Variants in PRKAG2 observed in about 807,000 individuals in gnomAD.
PRKAG2 encodes protein kinase AMP-activated non-catalytic subunit gamma 2, also known as 5'-AMP-activated protein kinase subunit gamma-2.
In PRKAG2, 26 loss-of-function variants were observed where a neutral mutation model predicts 69.6. The observed-to-expected ratio is 0.37, with a 90% CI of 0.27 to 0.52. The LOEUF is 0.52. Ranked by LOEUF, PRKAG2 falls within the 20% of genes least tolerant of loss-of-function variation. PRKAG2 has a pLI of 0.90. For synonymous variants in PRKAG2, 293 were observed against 285.0 expected, an observed-to-expected ratio of 1.03 and a Z score of -0.28; for missense variants, 557 against 740.0, an observed-to-expected ratio of 0.75 and a Z score of 2.87.
chr7:151,800,208 A>G (rs995011962), intron 1 of PRKAG2, among the ~76,000 whole-genome samples: 3 of 151,988 alleles, frequency 2.0e-5, no homozygotes, highest in African/African-American at 4.8e-5. Flanking sequence ...AATACAAAAA[A>G]TTAGCCAGGT....
At chr7:151,648,074 C>A (rs918968503) in intron 4 of PRKAG2, among the ~76,000 whole-genome samples, 5 of 151,710 alleles carry the variant, frequency 3.3e-5, no homozygotes, top group Non-Finnish European at 4.4e-5. Flanking sequence ...AAAAAAGTAC[C>A]TTTGGTGTGT....
chr7:151,568,553 T>A, intron 11 of PRKAG2, 163 bp downstream of exon 11: 2 of 688,736 alleles, frequency 2.9e-6, no homozygotes, highest in Non-Finnish European at 4.8e-6. Flanking sequence ...ACTTTAAGAA[T>A]GTACAATTCA....
In PRKAG2 at chr7:151,861,676, G is replaced by A. The variant is rs567682808; in HGVS notation, c.114+14831C>T. Among the ~76,000 whole-genome samples the A allele has an allele frequency of 4.6e-5, 7 of 152,230 alleles. No homozygotes were observed. The East Asian group carries it at 1.4e-3, about 29-fold the overall frequency. On this transcript the variant is annotated intron_variant, in intron 1 of 15. Transcript: ENST00000287878. ...TCCCATGGGCGGCTTGTTAGGGAGA[G>A]GGAGGCAACCCTTCTAGACACAGAC...
In PRKAG2 at chr7:151,668,162, G is replaced by A. The variant is rs1831316458; in HGVS notation, c.684+7258C>T. ...CACAGGAATGGATTAGTTCCCTTGA[G>A]AGCAGGTTGTTAAAAAGTGCCTGTC... is the stretch of plus-strand genomic sequence containing the variant. On this transcript the variant is annotated intron_variant, in intron 4 of 15. Coordinates refer to ENST00000287878, the MANE Select transcript of PRKAG2 (RefSeq NM_016203.4). 2.6e-5 allele frequency among the ~76,000 whole-genome samples: 4 copies of A among 152,198 alleles called. No individual in the cohort carries two copies. In the South Asian group the frequency reaches 8.3e-4, roughly 31 times the overall value.
intron 3 of PRKAG2, among the ~76,000 whole-genome samples, chr7:151,690,421 C>T (rs1053671965): frequency 6.6e-6 from 1 of 152,126 alleles, no homozygotes; most frequent in African/African-American, 2.4e-5. Flanking sequence ...GCCCTGCCTC[C>T]CCTTTCTACA....
At chr7:151,686,563 T>C (rs959601548) in intron 3 of PRKAG2, among the ~76,000 whole-genome samples, 17 of 152,204 alleles carry the variant, frequency 1.1e-4, no homozygotes, top group Non-Finnish European at 2.5e-4. Context: ...CCAGCTCTCC[T>C]GAGCTCTGCT....
chr7:151,820,375 G>A (rs536043044), intron 1 of PRKAG2, among the ~76,000 whole-genome samples: 4 of 152,166 alleles, frequency 2.6e-5, no homozygotes, highest in South Asian at 2.1e-4. Flanking sequence ...TTTGACTTCC[G>A]TCATTTTGAT....
intron 3 of PRKAG2, among the ~76,000 whole-genome samples, chr7:151,715,711 G>C (rs1796074010): frequency 6.6e-6 from 1 of 152,126 alleles, no homozygotes. Context: ...AGGGAGGATG[G>C]AGTGGAAGAA....
At chr7:151,765,760 C>G (rs2075702977) in intron 3 of PRKAG2, among the ~76,000 whole-genome samples, 1 of 152,206 alleles carries the variant, frequency 6.6e-6, no homozygotes, top group South Asian at 2.1e-4. Flanking sequence ...CAACCCTTAA[C>G]AGTTACTATA....
At chr7:151,664,736 A>G (rs1353215003) in intron 4 of PRKAG2, among the ~76,000 whole-genome samples, 2 of 152,220 alleles carry the variant, frequency 1.3e-5, no homozygotes, top group South Asian at 2.1e-4. Context: ...CTGCCTCCCA[A>G]TAGAGGTGCT....
chr7:151,689,759 C>T (rs989161593), intron 3 of PRKAG2, among the ~76,000 whole-genome samples: 6 of 152,162 alleles, frequency 3.9e-5, no homozygotes, highest in Admixed American at 6.5e-5. Context: ...CATCATCTGA[C>T]GCCACCCCGG....
intron 1 of PRKAG2, among the ~76,000 whole-genome samples, chr7:151,805,953 T>C (rs973505523): frequency 7.2e-5 from 11 of 152,164 alleles, no homozygotes; most frequent in Non-Finnish European, 1.3e-4. Flanking sequence ...AGTCCAAGCA[T>C]TTTGGGAGGC....
chr7:151,690,142 T>C (rs1390949956), intron 3 of PRKAG2, among the ~76,000 whole-genome samples: 1 of 152,130 alleles, frequency 6.6e-6, no homozygotes. Flanking sequence ...TTCAGGGCCA[T>C]GATAAAAAAT....
chr7:151,575,064 A>C (rs542564015), intron 7 of PRKAG2, 115 bp from the exon 8 acceptor site: 28 of 1,402,636 alleles, frequency 2.0e-5, no homozygotes, highest in East Asian at 2.4e-5. Flanking sequence ...TACTTCGAAG[A>C]TATCAAGCAG....
intron 4 of PRKAG2, among the ~76,000 whole-genome samples, chr7:151,635,895 T>C (rs1825652978): frequency 7.0e-6 from 1 of 143,478 alleles, no homozygotes; most frequent in South Asian, 2.2e-4. Flanking sequence ...TGAGACGGAG[T>C]CTCGCTTTGT....
intron 1 of PRKAG2, among the ~76,000 whole-genome samples, chr7:151,801,354 G>A (rs762202531): frequency 6.6e-6 from 1 of 152,240 alleles, no homozygotes; most frequent in Non-Finnish European, 1.5e-5. Context: ...GGGCTGGGCA[G>A]CAAGGAAGCT....
chr7:151,560,379 G>A (rs1166551324), intron 15 of PRKAG2, 145 bp downstream of exon 15: 1 of 1,561,020 alleles, frequency 6.4e-7, no homozygotes, highest in Non-Finnish European at 8.7e-7. Context: ...CAACTGAAGA[G>A]AAAACGAAAA....
intron 3 of PRKAG2, among the ~76,000 whole-genome samples, chr7:151,688,611 C>T (rs567422407): frequency 3.5e-4 from 53 of 152,286 alleles, no homozygotes; most frequent in Non-Finnish European, 6.5e-4. Context: ...CCACTGTGCC[C>T]GGGATTCGGA....
At chr7:151,796,633 T>C (rs2077550583) in intron 1 of PRKAG2, among the ~76,000 whole-genome samples, 1 of 152,106 alleles carries the variant, frequency 6.6e-6, no homozygotes, top group Non-Finnish European at 1.5e-5. Context: ...CACACCCAGT[T>C]GGAGCTCGGC....
Sources: allele counts gnomAD v4.1 joint callset (sites outside exome capture counted in the v4.1 genomes callset), GRCh38; gene constraint gnomAD v4.1.1; transcripts MANE v1.5; gene names NCBI Gene and HGNC (gene_info 2026-07-23, HGNC 2026-07-21).